Variants in PLEKHA7 observed in about 807,000 individuals in gnomAD.
The protein encoded by PLEKHA7 is pleckstrin homology domain containing A7, also known as pleckstrin homology domain-containing family A member 7.
A neutral mutation model predicts 170.0 loss-of-function variants in PLEKHA7; 104 were observed. The observed-to-expected ratio is 0.61, with a 90% CI of 0.52 to 0.72. PLEKHA7 has a LOEUF of 0.72. Ranked by LOEUF, PLEKHA7 falls within the 30% of genes least tolerant of loss-of-function variation. The pLI is 0.00. For missense variants in PLEKHA7, 1,615 were observed against 1,671.7 expected (o/e 0.97, Z 0.59); for synonymous variants, 648 against 660.8 (o/e 0.98, Z 0.30).
Position 16,858,054 on chromosome 11 carries a change from T to C in PLEKHA7, c.306-2140A>G, listed in dbSNP as rs531151423. Among the ~76,000 whole-genome samples, 10 of 152,330 alleles carry C rather than the reference T, an allele frequency of 6.6e-5. No individual in the cohort carries two copies. In the South Asian group the frequency reaches 1.9e-3, roughly 28 times the overall value. Reference sequence around the variant, plus strand: ...TTTATCAAATGTAATTTATTCCCACTTAAGACATTTTAGGCTTATTACAGA... The same window carrying C: ...TTTATCAAATGTAATTTATTCCCACCTAAGACATTTTAGGCTTATTACAGA... On this transcript the variant is annotated intron_variant, in intron 4 of 26. Transcript: ENST00000531066.
chr11:16,927,717 T>A (rs1210695228), intron 3 of PLEKHA7, among the ~76,000 whole-genome samples: 1 of 152,244 alleles, frequency 6.6e-6, no homozygotes, highest in Non-Finnish European at 1.5e-5. Flanking sequence ...AATGCTCATA[T>A]CCTGTGAACC....
In PLEKHA7 at chr11:16,960,831, CT is replaced by C. The variant is rs202138109; in HGVS notation, c.221+53157del. Among the ~76,000 whole-genome samples, 597 of 152,300 alleles carry C rather than the reference CT, an allele frequency of 3.9e-3. 4 individuals carry two copies. Among genetic ancestry groups the C allele is most frequent in the African/African-American group, 0.012 (517 of 41,572 alleles). ...GCCATGAGGGACCCTACCTTCACCC[CT>C]AACAGACAGATGGGGACACCGAGGC... On this transcript the variant is annotated intron_variant, in intron 3 of 26. Coordinates refer to ENST00000531066, the MANE Select transcript of PLEKHA7 (RefSeq NM_001329630.2).
intron 3 of PLEKHA7, among the ~76,000 whole-genome samples, chr11:16,877,945 T>C (rs756763599): frequency 1.3e-5 from 2 of 152,228 alleles, no homozygotes; most frequent in East Asian, 1.9e-4. Context: ...ACTCAATTAA[T>C]GTTTGTTGAA....
intron 3 of PLEKHA7, among the ~76,000 whole-genome samples, chr11:16,905,845 A>G (rs1857623066): frequency 6.6e-6 from 1 of 152,232 alleles, no homozygotes; most frequent in Non-Finnish European, 1.5e-5. Flanking sequence ...TGTTTAATTT[A>G]TTTAAGACAG....
chr11:16,956,892 A>G (rs925590396), intron 3 of PLEKHA7, among the ~76,000 whole-genome samples: 5 of 12,390 alleles, frequency 4.0e-4, no homozygotes, highest in African/African-American at 7.4e-4. Context: ...GTCAATGCAA[A>G]AGTTACACTG....
intron 3 of PLEKHA7, among the ~76,000 whole-genome samples, chr11:17,005,120 G>C (rs35687335): frequency 1.9e-4 from 4 of 21,314 alleles, no homozygotes; most frequent in Non-Finnish European, 3.5e-4. Context: ...CAGACTTAAC[G>C]GGGGGGGTAA....
At chr11:16,800,730 C>G (rs73423128) in intron 17 of PLEKHA7, among the ~76,000 whole-genome samples, 20 of 152,248 alleles carry the variant, frequency 1.3e-4, no homozygotes, top group African/African-American at 4.6e-4. Context: ...CACCCAAGAG[C>G]TTGTCTTTGA....
chr11:16,974,453 C>T (rs532444784), intron 3 of PLEKHA7, among the ~76,000 whole-genome samples: 1 of 152,222 alleles, frequency 6.6e-6, no homozygotes, highest in African/African-American at 2.4e-5. Flanking sequence ...ATTTGCGTGT[C>T]ATCCTTGCGC....
chr11:16,964,784 A>G (rs1862269764), intron 3 of PLEKHA7, among the ~76,000 whole-genome samples: 1 of 152,208 alleles, frequency 6.6e-6, no homozygotes, highest in African/African-American at 2.4e-5. Context: ...ACTGGGGGAC[A>G]CCAGGGGTCT....
At chr11:16,939,002 A>C (rs1314780311) in intron 3 of PLEKHA7, among the ~76,000 whole-genome samples, 4 of 152,230 alleles carry the variant, frequency 2.6e-5, no homozygotes, top group African/African-American at 9.6e-5. Flanking sequence ...GAATTTTAGA[A>C]GATTCAAAGA....
At chr11:16,982,102 A>T (rs1259817023) in intron 3 of PLEKHA7, among the ~76,000 whole-genome samples, 1 of 152,250 alleles carries the variant, frequency 6.6e-6, no homozygotes, top group Non-Finnish European at 1.5e-5. Flanking sequence ...GCTGGGGGGA[A>T]CAAGTCTCCC....
At chr11:16,822,347 G>GTAA (rs1850288761) in intron 10 of PLEKHA7, among the ~76,000 whole-genome samples, 2 of 151,974 alleles carry the variant, frequency 1.3e-5, no homozygotes, top group African/African-American at 4.8e-5. Context: ...GTTAAGCATG[G>GTAA]TAATTCAGGT....
intron 4 of PLEKHA7, among the ~76,000 whole-genome samples, chr11:16,859,518 G>A (rs536344768): frequency 1.3e-5 from 2 of 152,282 alleles, no homozygotes; most frequent in South Asian, 4.1e-4. Context: ...ATGAGCAGTG[G>A]GACATCAACA....
chr11:16,957,331 T>C (rs1207580930), intron 3 of PLEKHA7, among the ~76,000 whole-genome samples: 9 of 152,238 alleles, frequency 5.9e-5, no homozygotes, highest in Non-Finnish European at 1.3e-4. Context: ...TATATCCATA[T>C]GACAGAATCT....
intron 26 of PLEKHA7, among the ~76,000 whole-genome samples, chr11:16,782,169 A>ACC (rs1452285348): frequency 6.6e-5 from 10 of 151,852 alleles, no homozygotes; most frequent in African/African-American, 2.4e-4. Flanking sequence ...GGACACACAC[A>ACC]CACCCACACA....
At chr11:16,786,715 T>C in intron 23 of PLEKHA7, 5 of 985,408 alleles carry the variant, frequency 5.1e-6, no homozygotes, top group Non-Finnish European at 6.0e-6. Context: ...GACAGAGTTC[T>C]AGAGAAGGGA....
In PLEKHA7 at chr11:16,954,483, A is replaced by G. The variant is rs1034315088; in HGVS notation, c.221+59506T>C. 3.3e-5 allele frequency among the ~76,000 whole-genome samples: 5 copies of G among 152,062 alleles called. No homozygotes were observed. In the East Asian group the frequency reaches 9.7e-4, roughly 29 times the overall value. On this transcript the variant is annotated intron_variant, in intron 3 of 26. Transcript: ENST00000531066. The stretch of plus-strand genomic sequence containing the variant: ...CAGGAGTTCAAGGTTATAGTGATCT[A>G]TGATCACACCAACACACTCCAGCCC...
intron 3 of PLEKHA7, among the ~76,000 whole-genome samples, chr11:17,009,704 T>C (rs954229427): frequency 1.2e-4 from 18 of 152,074 alleles, no homozygotes; most frequent in African/African-American, 4.1e-4. Flanking sequence ...ATCACAATCA[T>C]AGCTCATGGT....
intron 3 of PLEKHA7, among the ~76,000 whole-genome samples, chr11:16,968,678 T>C (rs1432397599): frequency 6.6e-6 from 1 of 152,172 alleles, no homozygotes; most frequent in Non-Finnish European, 1.5e-5. Flanking sequence ...GAGTCTTCAA[T>C]AGAGCAATGG....
Sources: gnomAD v4.1 joint callset for allele counts (sites outside exome capture counted in the v4.1 genomes callset) on GRCh38, gnomAD v4.1.1 for gene constraint, MANE v1.5 for transcripts, NCBI Gene and HGNC (gene_info 2026-07-23, HGNC 2026-07-21) for gene names.